The following SCFD2 variants were observed in gnomAD, a reference collection of about 807,000 sequenced individuals.
SCFD2 encodes sec1 family domain containing 2.
A neutral mutation model predicts 58.9 loss-of-function variants in SCFD2; 54 were observed. That is an observed-to-expected ratio of 0.92 (90% CI 0.74 to 1.15). The LOEUF (loss-of-function observed/expected upper bound fraction) is 1.15. Among genes scored for constraint, SCFD2 ranks in the 50% most tolerant of loss-of-function variants. The pLI is 0.00. For missense variants in SCFD2, 805 were observed against 836.6 expected (o/e 0.96, Z 0.47); for synonymous variants, 321 against 335.9 (o/e 0.96, Z 0.49).
rs766639603 is a variant in SCFD2, at chr4:53,365,206, T to C, written c.736A>G (p.Ile246Val). Residue 246 changes from isoleucine to valine, a missense_variant, in exon 1 of 9, where the codon ATC becomes GTC. Physicochemically the swap from Ile to Val is conservative, Grantham distance 29. Transcript: ENST00000401642. This position sits in a 1 kb window ranked among gnomAD's most constrained non-coding sequence, Gnocchi z 4.3. Reference protein sequence around the residue: ...CFAVGSLSQVIAADLANYAPA... With the variant: ...CFAVGSLSQVVAADLANYAPA... ...GCATAATTGGCCAGATCCGCAGCGA[T>C]GACCTGACTTAAGGAACCTACAGCA... The C allele has an allele frequency of 6.2e-7, 1 of 1,614,186 alleles. No individual in the cohort carries two copies. Among genetic ancestry groups the C allele is most frequent in the Admixed American group, 1.7e-5 (1 of 60,024 alleles).
intron 7 of SCFD2, among the ~76,000 whole-genome samples, chr4:52,896,271 T>C (rs1375298079): frequency 6.6e-6 from 1 of 152,252 alleles, no homozygotes; most frequent in Non-Finnish European, 1.5e-5. Context: ...GCCTAGGTTT[T>C]CTTCTAAGTT....
chr4:53,342,835 G>A (rs1207147797), intron 2 of SCFD2, among the ~76,000 whole-genome samples: 2 of 152,176 alleles, frequency 1.3e-5, no homozygotes, highest in Non-Finnish European at 2.9e-5. Flanking sequence ...CATGGAAACT[G>A]AACAACCTGC....
chr4:53,164,883 A>C (rs2148930730), intron 4 of SCFD2, among the ~76,000 whole-genome samples: 1 of 152,276 alleles, frequency 6.6e-6, no homozygotes, highest in South Asian at 2.1e-4. Context: ...AGAAAGAAGA[A>C]GACTAGAAAG....
intron 4 of SCFD2, among the ~76,000 whole-genome samples, chr4:53,264,669 C>T (rs1167908957): frequency 1.3e-5 from 2 of 152,138 alleles, no homozygotes; most frequent in African/African-American, 2.4e-5. Context: ...AGCCATATGG[C>T]GTGAGAGCTA....
intron 4 of SCFD2, among the ~76,000 whole-genome samples, chr4:53,238,521 G>A (rs1241368838): frequency 6.0e-5 from 9 of 150,744 alleles, no homozygotes; most frequent in African/African-American, 1.7e-4. Context: ...CCTCCCTCCC[G>A]GATGGGGTGG....
At chr4:53,037,507 C>T (rs893009163) in intron 5 of SCFD2, among the ~76,000 whole-genome samples, 7 of 151,914 alleles carry the variant, frequency 4.6e-5, no homozygotes, top group Non-Finnish European at 8.8e-5. Context: ...CAATAAAGCA[C>T]AGAATTTAAG....
intron 5 of SCFD2, among the ~76,000 whole-genome samples, chr4:53,108,284 T>C (rs1391572268): frequency 6.6e-6 from 1 of 152,150 alleles, no homozygotes; most frequent in Non-Finnish European, 1.5e-5. Flanking sequence ...AGATGTAAAG[T>C]TGACATCCTA....
At chr4:53,004,508 A>G (rs908275099) in intron 5 of SCFD2, among the ~76,000 whole-genome samples, 16 of 152,224 alleles carry the variant, frequency 1.1e-4, no homozygotes, top group African/African-American at 3.9e-4. Flanking sequence ...CAATGACCCT[A>G]CAAGATAGGT....
intron 5 of SCFD2, among the ~76,000 whole-genome samples, chr4:53,061,708 G>A (rs1283948069): frequency 5.9e-5 from 9 of 152,098 alleles, no homozygotes; most frequent in Admixed American, 3.9e-4. Flanking sequence ...TGTGTGAAGC[G>A]CTTCAGGGCT....
chr4:52,931,075 C>T (rs78026566), intron 5 of SCFD2, among the ~76,000 whole-genome samples: 7,402 of 152,258 alleles, frequency 0.049, 217 homozygotes, highest in South Asian at 0.12. Flanking sequence ...GAAGGCAGCA[C>T]ACAGGCTCCT....
chr4:53,150,992 C>T (rs1726489373), intron 4 of SCFD2, among the ~76,000 whole-genome samples: 1 of 152,202 alleles, frequency 6.6e-6, no homozygotes, highest in Non-Finnish European at 1.5e-5. Flanking sequence ...GTGAATTACA[C>T]AACCAGTAAA....
At chr4:53,007,342 G>GAAA in intron 5 of SCFD2, among the ~76,000 whole-genome samples, 1 of 132,182 alleles carries the variant, frequency 7.6e-6, no homozygotes, top group Non-Finnish European at 1.6e-5. Context: ...GAGGGAGAGA[G>GAAA]AGAGAGAGAG....
In SCFD2 at chr4:53,007,385, A is replaced by AGAAGGAAGGAAGGAAGGAAGGAAGGAAG. The variant is rs1423993421; in HGVS notation, c.1562-86516_1562-86515insCTTCCTTCCTTCCTTCCTTCCTTCCTTC. ...AGAGAGAAAGAAGGAAAGGAAGGAA[A>AGAAGGAAGGAAGGAAGGAAGGAAGGAAG]GAAGGAAGGAAGGAAGGAAGGGAGG... On this transcript the variant is annotated intron_variant, in intron 5 of 8. Coordinates refer to ENST00000401642, the MANE Select transcript of SCFD2 (RefSeq NM_152540.4). Among the ~76,000 whole-genome samples the AGAAGGAAGGAAGGAAGGAAGGAAGGAAG allele has an allele frequency of 9.3e-4, 74 of 79,968 alleles. 2 individuals carry two copies. Among genetic ancestry groups the AGAAGGAAGGAAGGAAGGAAGGAAGGAAG allele is most frequent in the African/African-American group, 3.4e-3 (72 of 21,100 alleles). 52.5% of individuals were successfully genotyped at this position (79,968 alleles called of 152,430 possible).
At chr4:53,329,174 G>A (rs545194127) in intron 2 of SCFD2, among the ~76,000 whole-genome samples, 6 of 152,310 alleles carry the variant, frequency 3.9e-5, no homozygotes, top group Admixed American at 1.3e-4. Flanking sequence ...GGGAAGAGGC[G>A]CCCGCCATTG....
At chr4:52,961,306 C>G (rs145437936) in intron 5 of SCFD2, among the ~76,000 whole-genome samples, 3 of 151,996 alleles carry the variant, frequency 2.0e-5, no homozygotes, top group Non-Finnish European at 2.9e-5. Context: ...GATGTAATCC[C>G]GAAGCTACTG....
At chr4:53,191,175 C>T (rs1042392187) in intron 4 of SCFD2, among the ~76,000 whole-genome samples, 10 of 151,940 alleles carry the variant, frequency 6.6e-5, no homozygotes, top group African/African-American at 2.4e-4. Context: ...TGGTGAAACC[C>T]CCATCTCTAC....
In SCFD2 at chr4:53,083,092, A is replaced by C. The variant is rs576915656; in HGVS notation, c.1561+62241T>G. Reference sequence around the variant, plus strand: ...GGGGTGCTACTATAACAAATACCTAAAAATGTGGGAACAGCCTTGAAAATC... The same window carrying C: ...GGGGTGCTACTATAACAAATACCTACAAATGTGGGAACAGCCTTGAAAATC... On this transcript the variant is annotated intron_variant, in intron 5 of 8. Transcript: ENST00000401642. Among the ~76,000 whole-genome samples the C allele has an allele frequency of 1.2e-4, 18 of 152,266 alleles. No homozygotes were observed. The East Asian group carries it at 3.1e-3, about 26-fold the overall frequency.
At chr4:53,336,455 C>T (rs1478604542) in intron 2 of SCFD2, among the ~76,000 whole-genome samples, 5 of 152,070 alleles carry the variant, frequency 3.3e-5, no homozygotes, top group Admixed American at 6.6e-5. Flanking sequence ...CCTTCAACAA[C>T]GTAAACTAAC....
intron 1 of SCFD2, among the ~76,000 whole-genome samples, chr4:53,357,264 A>AAT (rs952310614): frequency 4.0e-5 from 6 of 151,740 alleles, no homozygotes; most frequent in South Asian, 2.1e-4. Context: ...TCTACTAAAA[A>AAT]ATATATATAT....
Sources: gnomAD v4.1 joint callset for allele counts (sites outside exome capture counted in the v4.1 genomes callset) on GRCh38, gnomAD v4.1.1 for gene constraint, Gnocchi (gnomAD v3.1) non-coding constraint, MANE v1.5 for transcripts, NCBI Gene and HGNC (gene_info 2026-07-23, HGNC 2026-07-21) for gene names.